SLC25A44: variants seen among roughly 807,000 people sequenced by gnomAD.
The protein encoded by SLC25A44 is solute carrier family 25, member 44.
SLC25A44 carries 17 observed loss-of-function variants against 29.9 expected under a neutral mutation model. The observed-to-expected ratio is 0.57, with a 90% CI of 0.39 to 0.85. SLC25A44 has a LOEUF of 0.85. Among genes scored for constraint, SLC25A44 ranks in the 40% least tolerant of loss-of-function variants. The pLI is 0.00. For missense variants in SLC25A44, 302 were observed against 398.4 expected, an observed-to-expected ratio of 0.76 and a Z score of 2.06; for synonymous variants, 140 against 151.8, an observed-to-expected ratio of 0.92 and a Z score of 0.57.
chr1:156,200,028 T>G lies in SLC25A44; in HGVS notation c.181T>G (p.Phe61Val). 1 of 1,614,186 alleles carries G rather than the reference T, an allele frequency of 6.2e-7. No homozygotes were observed. Residue 61 changes from phenylalanine (F) to valine (V), a missense_variant, in exon 2 of 4, where the codon TTC becomes GTC. Physicochemically the swap from Phe to Val is conservative, Grantham distance 50. Coordinates refer to ENST00000359511, the MANE Select transcript of SLC25A44 (RefSeq NM_014655.4). ...CCTCTACCATGGGACCTTCGATGCCTTCATCAAGATCCTGCGAGCAGATGG... is the reference window on the plus strand; with the variant it reads ...CCTCTACCATGGGACCTTCGATGCCGTCATCAAGATCCTGCGAGCAGATGG... ...KSLYHGTFDA[F>V]IKILRADGIT...
chr1:156,195,296 G>C (rs999314225), intron 1 of SLC25A44, among the ~76,000 whole-genome samples: 1 of 151,986 alleles, frequency 6.6e-6, no homozygotes, highest in Admixed American at 6.6e-5. Flanking sequence ...GTAGAGACGG[G>C]GTTTCACCGT....
At chr1:156,204,650 C>CA (rs1271082111) in intron 2 of SLC25A44, among the ~76,000 whole-genome samples, 2 of 151,542 alleles carry the variant, frequency 1.3e-5, no homozygotes, top group Non-Finnish European at 2.9e-5. Flanking sequence ...CCACACCCGG[C>CA]AAATTTTTTG....
chr1:156,196,609 C>G (rs1656226420), intron 1 of SLC25A44: 1 of 152,234 alleles, frequency 6.6e-6, no homozygotes. Flanking sequence ...ACCCTCTGCC[C>G]TGCAGAGCAT....
intron 2 of SLC25A44, among the ~76,000 whole-genome samples, chr1:156,205,332 A>C (rs1399254347): frequency 6.6e-6 from 1 of 152,012 alleles, no homozygotes; most frequent in East Asian, 1.9e-4. Context: ...GTGAGCCACC[A>C]CGCCTGGCCG....
chr1:156,211,055 T>TG lies in SLC25A44; in HGVS notation c.*624_*625insG, dbSNP rs1308364968. The TG allele has an allele frequency of 1.6e-4, 22 of 135,108 alleles. No homozygotes were observed. Among genetic ancestry groups the TG allele is most frequent in the East Asian group, 6.3e-4 (3 of 4,734 alleles). 8.4% of individuals were successfully genotyped at this position (135,108 alleles called of 1,614,324 possible). A position where few individuals can be genotyped will look rare whatever the true frequency, so the allele number is the denominator to read the frequency against. ...TTGGGAGAAATGTTGATACTTTTGT[T>TG]TTGTGTGTGTGTGTGTGTGTGTGTG... On this transcript the variant is annotated 3_prime_UTR_variant, in exon 4 of 4. Transcript: ENST00000359511.
In SLC25A44 at chr1:156,210,717, CCTT is replaced by C. The variant is rs969201937; in HGVS notation, c.*292_*294del. The C allele has an allele frequency of 5.6e-6, 1 of 177,486 alleles. No individual in the cohort carries two copies. The highest frequency in any genetic ancestry group is 1.0e-5 in the Non-Finnish European group (1 of 96,464). 11.0% of individuals were successfully genotyped at this position (177,486 alleles called of 1,614,324 possible). On this transcript the variant is annotated 3_prime_UTR_variant, in exon 4 of 4. Coordinates refer to ENST00000359511, the MANE Select transcript of SLC25A44 (RefSeq NM_014655.4). ...AGACCCCACCCCCCACCCTGCCAGC[CCTT>C]CTTCTGGCTTCCCCTTCCATCTGTG...
chr1:156,195,558 G>A (rs1372208890), intron 1 of SLC25A44, among the ~76,000 whole-genome samples: 1 of 152,234 alleles, frequency 6.6e-6, no homozygotes, highest in Admixed American at 6.5e-5. Flanking sequence ...GGATATGGAG[G>A]AAGATGCGAC....
chr1:156,195,813 C>T (rs914461472), intron 1 of SLC25A44, among the ~76,000 whole-genome samples: 8 of 152,224 alleles, frequency 5.3e-5, no homozygotes, highest in Non-Finnish European at 1.0e-4. Context: ...GAGCCAGAAT[C>T]TTATCCCAGA....
chr1:156,194,561 G>A (rs948248267), intron 1 of SLC25A44, among the ~76,000 whole-genome samples: 2 of 152,160 alleles, frequency 1.3e-5, no homozygotes, highest in African/African-American at 4.8e-5. Flanking sequence ...GGGATCACGT[G>A]GGTACCTATG....
chr1:156,195,601 G>GCCGT (rs1377767750), intron 1 of SLC25A44, among the ~76,000 whole-genome samples: 1 of 152,238 alleles, frequency 6.6e-6, no homozygotes, highest in Non-Finnish European at 1.5e-5. Context: ...ACGACGGATA[G>GCCGT]TCTGGGGGTT....
intron 2 of SLC25A44, among the ~76,000 whole-genome samples, chr1:156,203,872 T>C (rs1656748801): frequency 6.9e-6 from 1 of 145,608 alleles, no homozygotes. Flanking sequence ...CCCAGCTAAG[T>C]TTTTTGTATT....
chr1:156,201,074 T>C (rs1225312473), intron 2 of SLC25A44, among the ~76,000 whole-genome samples: 1 of 152,024 alleles, frequency 6.6e-6, no homozygotes, highest in Non-Finnish European at 1.5e-5. Flanking sequence ...GACCTCGTGA[T>C]CTGCCCGCCT....
At chr1:156,200,830 C>A (rs1656522361) in intron 2 of SLC25A44, among the ~76,000 whole-genome samples, 1 of 121,704 alleles carries the variant, frequency 8.2e-6, no homozygotes, top group Non-Finnish European at 1.7e-5. Flanking sequence ...TTTTCCTCAG[C>A]ATTTTTTTTT....
chr1:156,210,451 CCTG>C lies in SLC25A44; in HGVS notation c.*24_*26del, dbSNP rs1657226649. 1 of 1,533,102 alleles carries C rather than the reference CCTG, an allele frequency of 6.5e-7. No individual in the cohort carries two copies. Among genetic ancestry groups the C allele is most frequent in the Non-Finnish European group, 8.8e-7 (1 of 1,137,148 alleles). The allele number at this position is 1,533,102 out of a possible 1,614,324, so 95.0% of individuals were successfully genotyped here. A position where few individuals can be genotyped will look rare whatever the true frequency, so the allele number is the denominator to read the frequency against. On this transcript the variant is annotated 3_prime_UTR_variant, in exon 4 of 4. Transcript: ENST00000359511. ...TGGTAACCAGTGGTGGGGAGAGAAG[CCTG>C]CTGTTTTCCACACTACCGTGGGTCA...
At chr1:156,206,238 ATT>A (rs1194991541) in intron 2 of SLC25A44, among the ~76,000 whole-genome samples, 80 of 135,818 alleles carry the variant, frequency 5.9e-4, no homozygotes, top group Middle Eastern at 3.7e-3. Flanking sequence ...TTCATTTTTA[ATT>A]TTTTTTTTTT....
At chr1:156,202,294 G>A (rs532223270) in intron 2 of SLC25A44, among the ~76,000 whole-genome samples, 14 of 152,038 alleles carry the variant, frequency 9.2e-5, no homozygotes, top group East Asian at 1.9e-4. Context: ...CTTCCTTCCC[G>A]TCCATCACAT....
intron 2 of SLC25A44, among the ~76,000 whole-genome samples, chr1:156,203,322 C>A (rs1488742429): frequency 6.6e-6 from 1 of 152,192 alleles, no homozygotes; most frequent in African/African-American, 2.4e-5. Flanking sequence ...GGAAAGAGGG[C>A]TCTTTCTGTT....
intron 2 of SLC25A44, among the ~76,000 whole-genome samples, chr1:156,203,836 T>C (rs1043900476): frequency 2.0e-5 from 3 of 151,464 alleles, no homozygotes; most frequent in African/African-American, 7.3e-5. Context: ...CCCGAGTAGC[T>C]GGGACTACAG....
Position 156,211,067 on chromosome 1 carries a change from T to TGC in SLC25A44, c.*637_*638insCG, listed in dbSNP as rs1432103722. 1.4e-5 allele frequency: 2 copies of TGC among 139,788 alleles called. No individual in the cohort carries two copies. The highest frequency in any genetic ancestry group is 6.7e-5 in the African/African-American group (2 of 29,718). 8.7% of individuals were successfully genotyped at this position (139,788 alleles called of 1,614,324 possible). A position where few individuals can be genotyped will look rare whatever the true frequency, so the allele number is the denominator to read the frequency against. ...TTGATACTTTTGTTTTGTGTGTGTG[T>TGC]GTGTGTGTGTGTGTGTGTGTGTGTG... On this transcript the variant is annotated 3_prime_UTR_variant, in exon 4 of 4. Coordinates refer to ENST00000359511, the MANE Select transcript of SLC25A44 (RefSeq NM_014655.4).
Sources: gnomAD v4.1 joint callset for allele counts (sites outside exome capture counted in the v4.1 genomes callset) on GRCh38, gnomAD v4.1.1 for gene constraint, MANE v1.5 for transcripts, NCBI Gene and HGNC (gene_info 2026-07-23, HGNC 2026-07-21) for gene names.